Variants in ABCC10 observed in about 807,000 individuals in gnomAD.
The protein encoded by ABCC10 is ATP-binding cassette sub-family C member 10.
ABCC10 carries 110 observed loss-of-function variants against 143.2 expected under a neutral mutation model. The ratio of observed to expected loss-of-function variants is 0.77; its 90% CI spans 0.66 to 0.90. ABCC10 has a LOEUF of 0.90. Ranked by LOEUF, ABCC10 falls within the 40% of genes least tolerant of loss-of-function variation. The pLI is 0.00. For synonymous variants in ABCC10, 805 were observed against 846.7 expected (o/e 0.95, Z 0.85); for missense variants, 1,700 against 1,900.5 (o/e 0.89, Z 1.96).
chr6:43,434,693 G>A lies in ABCC10; in HGVS notation c.1453G>A (p.Val485Ile), dbSNP rs1781497356. 6.2e-7 allele frequency: 1 copy of A among 1,614,090 alleles called. No homozygotes were observed. Among genetic ancestry groups the A allele is most frequent in the African/African-American group, 1.3e-5 (1 of 74,934 alleles). Residue 485 changes from valine to isoleucine, a missense_variant, in exon 4 of 22, where the codon GTA (valine) becomes ATA (isoleucine). By Grantham distance (29) the Val-to-Ile change is conservative. Transcript: ENST00000372530. ...GTGGGAGCAGGCACTGGGAGCCCGAGTAGAGGCCTGCCGGGCTCGAGAGCT... is the reference window on the plus strand; with the variant it reads ...GTGGGAGCAGGCACTGGGAGCCCGAATAGAGGCCTGCCGGGCTCGAGAGCT... ...CGWEQALGAR[V>I]EACRARELGR... is the part of the protein sequence containing the mutation.
At chr6:43,437,884 C>T (rs774799791) in intron 6 of ABCC10, 50 bp from the exon 7 acceptor site, 282 of 1,576,278 alleles carry the variant, frequency 1.8e-4, no homozygotes, top group South Asian at 3.3e-4. Context: ...CCACTGCCAC[C>T]TCTGTCCTGT....
At chr6:43,447,157 C>T in intron 16 of ABCC10, 91 bp from the exon 17 acceptor site, 1 of 1,481,746 alleles carries the variant, frequency 6.7e-7, no homozygotes, top group Non-Finnish European at 9.1e-7. Context: ...CTGTTGCTTC[C>T]TTTAAATGCC....
rs770314991 is a variant in ABCC10 at position 43,447,712 on chromosome 6, G to T, written c.3734G>T (p.Gly1245Val). The T allele has an allele frequency of 3.7e-6, 6 of 1,614,038 alleles. No individual in the cohort carries two copies. The highest frequency in any genetic ancestry group is 1.3e-5 in the African/African-American group (1 of 74,920). The change falls in exon 18 of 22, where the codon GGC becomes GTC. Residue 1245 changes from glycine to valine, a missense_variant. Transcript: ENST00000372530. Reference protein sequence around the residue: ...QLGTGWLTQGGVEFQDVVLAY... With the variant: ...QLGTGWLTQGVVEFQDVVLAY... ...GGCACCGGCTGGCTGACCCAGGGGG[G>T]CGTGGAGTTCCAGGACGTGGTGTTG...
At chr6:43,431,978 T>C (rs1562167297) in intron 2 of ABCC10, 164 bp from the exon 3 acceptor site, 1 of 1,432,742 alleles carries the variant, frequency 7.0e-7, no homozygotes, top group Non-Finnish European at 9.2e-7. Context: ...GAAGACTTCC[T>C]GGGAGAAAAG....
rs867306637 is a variant in ABCC10, at chr6:43,438,701, C to T, written c.2033C>T (p.Ala678Val). 1.2e-6 allele frequency: 2 copies of T among 1,614,106 alleles called. No individual in the cohort carries two copies. Among genetic ancestry groups the T allele is most frequent in the African/African-American group, 2.7e-5 (2 of 74,946 alleles). Reference protein sequence around the residue: ...LATQEPWIQFATIRDNILFGK... With the variant: ...LATQEPWIQFVTIRDNILFGK... ...ACCCAGGAACCCTGGATCCAGTTTG[C>T]CACCATCCGAGACAACATCCTCTTT... The change falls in exon 8 of 22, where the codon GCC (alanine) becomes GTC (valine). Residue 678 changes from alanine (A) to valine (V), a missense_variant. By Grantham distance (64) the Ala-to-Val change is moderately conservative. Coordinates refer to ENST00000372530, the MANE Select transcript of ABCC10 (RefSeq NM_001198934.2).
rs775939054 is a variant in ABCC10, at chr6:43,449,489, T to A, written c.4271T>A (p.Ile1424Asn). ...QKTDQLLQQT[I>N]CKRFANKTVL... ...ACAGACCAGCTGCTCCAGCAGACCA[T>A]CTGCAAACGCTTTGCCAACAAGACA... is the stretch of plus-strand genomic sequence containing the variant. Residue 1424 changes from isoleucine to asparagine, a missense_variant, in exon 21 of 22, where the codon ATC (isoleucine) becomes AAC (asparagine). Transcript: ENST00000372530. 1 of 1,613,978 alleles carries A rather than the reference T, an allele frequency of 6.2e-7. No individual in the cohort carries two copies. Among genetic ancestry groups the A allele is most frequent in the Non-Finnish European group, 8.5e-7 (1 of 1,179,936 alleles).
At position 43,450,272 on chromosome 6, in the gene ABCC10, G is replaced by A. The variant is rs1198106424; in HGVS notation, c.*181G>A. The A allele has an allele frequency of 1.1e-6, 1 of 903,076 alleles. No individual in the cohort carries two copies. The highest frequency in any genetic ancestry group is 1.7e-5 in the African/African-American group (1 of 58,760). 55.9% of individuals were successfully genotyped at this position (903,076 alleles called of 1,614,324 possible). A position where few individuals can be genotyped will look rare whatever the true frequency, so the allele number is the denominator to read the frequency against. Reference sequence around the variant, plus strand: ...CACTCCTTGGTGGGCAGCATCCTGAGGCTTCCCCAGAACCAGGCCTCTGCT... The same window carrying A: ...CACTCCTTGGTGGGCAGCATCCTGAAGCTTCCCCAGAACCAGGCCTCTGCT... On this transcript the variant is annotated 3_prime_UTR_variant, in exon 22 of 22. Coordinates refer to ENST00000372530, the MANE Select transcript of ABCC10 (RefSeq NM_001198934.2). The surrounding 1 kb of genome is among the most constrained non-coding windows in gnomAD (Gnocchi z 4.5).
rs1053808601 is a variant in ABCC10, at chr6:43,441,888, G to T, written c.2154G>T (p.Glu718Asp). 80 of 1,613,722 alleles carry T rather than the reference G, an allele frequency of 5.0e-5. No homozygotes were observed. Among genetic ancestry groups the T allele is most frequent in the Non-Finnish European group, 6.6e-5 (78 of 1,179,882 alleles). Residue 718 changes from glutamate (E) to aspartate (D), a missense_variant, in exon 9 of 22, where the codon GAG (glutamate) becomes GAT (aspartate). By Grantham distance (45) the Glu-to-Asp change is conservative (BLOSUM62 2). Coordinates refer to ENST00000372530, the MANE Select transcript of ABCC10 (RefSeq NM_001198934.2). ...TCCTGCCTGCTGGAGACCAGACAGA[G>T]GTGGGGGAGAAGGGTGTCACCCTTA... is the stretch of plus-strand genomic sequence containing the variant. ...LSILPAGDQT[E>D]VGEKGVTLSG...
rs375986754 is a variant in ABCC10, at chr6:43,445,332, CG to C, written c.3030+23del. On this transcript the variant is annotated intron_variant, in intron 14 of 21. Transcript: ENST00000372530. ...TCCTTATGGTGAGGGGCTGGGACCT[CG>C]GGGGTAGGGGAGTGCAGTCCTAGCC... 4.0e-4 allele frequency: 639 copies of C among 1,607,348 alleles called. 2 individuals carry two copies. The African/African-American group carries it at 4.6e-3, about 12-fold the overall frequency.
chr6:43,441,361 A>C (rs1782445526), intron 8 of ABCC10, among the ~76,000 whole-genome samples: 2 of 152,096 alleles, frequency 1.3e-5, no homozygotes, highest in South Asian at 4.1e-4. Context: ...CTGTAGTCCC[A>C]GCTACTCGAG....
chr6:43,450,828 C>G (rs768837940), downstream of ABCC10: 2 of 1,614,046 alleles, frequency 1.2e-6, no homozygotes, highest in Non-Finnish European at 1.7e-6. This position sits in a 1 kb window ranked among gnomAD's most constrained non-coding sequence, Gnocchi z 4.5. Flanking sequence ...CACTGAGATC[C>G]GCAGCAGACC....
In ABCC10 at chr6:43,445,774, T is replaced by C. The variant is rs765838931; in HGVS notation, c.3206T>C (p.Leu1069Pro). Residue 1069 changes from leucine to proline, a missense_variant, in exon 15 of 22, where the codon CTC (leucine) becomes CCC (proline). Leu to Pro is a moderately conservative substitution (Grantham distance 98). Transcript: ENST00000372530. ...VLGSGLPWLL[L>P]LLPPLSIMYY... is the part of the protein sequence containing the mutation. ...GGCTCTGGCCTGCCCTGGCTGCTGC[T>C]CCTGCTGCCGCCTTTGAGCATCATG... The C allele has an allele frequency of 3.1e-6, 5 of 1,613,992 alleles. No individual in the cohort carries two copies. The African/African-American group carries it at 6.7e-5, about 22-fold the overall frequency.
chr6:43,442,493 C>A (rs1782576582), intron 9 of ABCC10, among the ~76,000 whole-genome samples: 2 of 152,084 alleles, frequency 1.3e-5, no homozygotes, highest in African/African-American at 4.8e-5. Flanking sequence ...ATCGCTTGAA[C>A]CCGAGAGGCA....
Position 43,444,827 on chromosome 6 carries a change from T to A in ABCC10, c.2729T>A (p.Ile910Asn). ...GCTGACTGGTGGCTCTCCCACTGGA[T>A]CTCTCAGCTGAAGGCTGAGAATAGC... Reference protein sequence around the residue: ...NAADWWLSHWISQLKAENSSQ... With the variant: ...NAADWWLSHWNSQLKAENSSQ... The change falls in exon 13 of 22, where the codon ATC (isoleucine) becomes AAC (asparagine). Residue 910 changes from isoleucine to asparagine, a missense_variant. By Grantham distance (149) the Ile-to-Asn change is moderately radical. Transcript: ENST00000372530. The A allele has an allele frequency of 6.2e-7, 1 of 1,612,402 alleles. No individual in the cohort carries two copies. The highest frequency in any genetic ancestry group is 1.3e-5 in the African/African-American group (1 of 74,936).
At chr6:43,446,621 A>G in intron 16 of ABCC10, 175 bp downstream of exon 16, 2 of 985,304 alleles carry the variant, frequency 2.0e-6, no homozygotes, top group South Asian at 9.4e-5. Context: ...AATCCCCAGG[A>G]GGGACTTGCC....
chr6:43,434,594 C>T (rs769911538), intron 3 of ABCC10, 27 bp from the exon 4 acceptor site: 6 of 1,596,770 alleles, frequency 3.8e-6, no homozygotes, highest in South Asian at 3.4e-5. Context: ...CTCCACTTCA[C>T]GCCTCTCCCT....
At chr6:43,439,430 CT>C (rs1291962557) in intron 8 of ABCC10, among the ~76,000 whole-genome samples, 1 of 147,648 alleles carries the variant, frequency 6.8e-6, no homozygotes. Context: ...GAGACAGGGT[CT>C]TTTTTCTGTC....
chr6:43,433,128 T>C lies in ABCC10; in HGVS notation c.1148T>C (p.Leu383Pro). 6.2e-7 allele frequency: 1 copy of C among 1,614,132 alleles called. No homozygotes were observed. The highest frequency in any genetic ancestry group is 8.5e-7 in the Non-Finnish European group (1 of 1,179,992). The change falls in exon 3 of 22, where the codon CTA becomes CCA. Residue 383 changes from leucine to proline, a missense_variant. Transcript: ENST00000372530. ...CCTCCTACTGGGGAGGCCCTGAACCTACTAGGCACTGACTCTGAACGGCTG... is the reference window on the plus strand; with the variant it reads ...CCTCCTACTGGGGAGGCCCTGAACCCACTAGGCACTGACTCTGAACGGCTG... The part of the protein sequence containing the change: ...SRPPTGEALN[L>P]LGTDSERLLN...
rs572760851 is a variant in ABCC10, at chr6:43,434,560, G to T, written c.1381-61G>T. 53 of 1,489,332 alleles carry T rather than the reference G, an allele frequency of 3.6e-5. 1 individual carries two copies. In the African/African-American group the frequency reaches 6.5e-4, roughly 18 times the overall value. 92.3% of individuals were successfully genotyped at this position (1,489,332 alleles called of 1,614,324 possible). A position where few individuals can be genotyped will look rare whatever the true frequency, so the allele number is the denominator to read the frequency against. On this transcript the variant is annotated intron_variant, in intron 3 of 21. Transcript: ENST00000372530. Reference sequence around the variant, plus strand: ...CTGCCAGCAGCCTGGGGAAGGCTTGGCAGGGAAGACACATGAGCAGTGCCT... The same window carrying T: ...CTGCCAGCAGCCTGGGGAAGGCTTGTCAGGGAAGACACATGAGCAGTGCCT...
Sources: allele counts gnomAD v4.1 joint callset (sites outside exome capture counted in the v4.1 genomes callset), GRCh38; gene constraint gnomAD v4.1.1; non-coding constraint Gnocchi (gnomAD v3.1); transcripts MANE v1.5; gene names NCBI Gene and HGNC (gene_info 2026-07-23, HGNC 2026-07-21).